Variants in SYNPO2 observed in about 807,000 individuals in gnomAD.
SYNPO2 encodes synaptopodin 2.
SYNPO2 carries 56 observed loss-of-function variants against 85.0 expected under a neutral mutation model. The observed-to-expected ratio is 0.66, with a 90% CI of 0.53 to 0.82. The LOEUF (loss-of-function observed/expected upper bound fraction) is 0.82, where lower values mean the gene tolerates loss of function less well. Ranked by LOEUF, SYNPO2 falls within the 40% of genes least tolerant of loss-of-function variation. The pLI is 0.00. For missense variants in SYNPO2, 1,575 were observed against 1,534.2 expected, an observed-to-expected ratio of 1.03 and a Z score of -0.44; for synonymous variants, 602 against 591.1, an observed-to-expected ratio of 1.02 and a Z score of -0.27.
chr4:118,946,400 A>G (rs62327800), intron 1 of SYNPO2, among the ~76,000 whole-genome samples: 16,363 of 152,054 alleles, frequency 0.11, 955 homozygotes, highest in East Asian at 0.16. Context: ...GACCTCCCAT[A>G]CTATTTTGAA....
chr4:118,914,877 C>A (rs1033229278), intron 1 of SYNPO2, among the ~76,000 whole-genome samples: 3 of 151,620 alleles, frequency 2.0e-5, no homozygotes, highest in Non-Finnish European at 4.4e-5. Flanking sequence ...ACTCTTGTAG[C>A]AAAACTAGTG....
intron 1 of SYNPO2, among the ~76,000 whole-genome samples, chr4:118,979,935 G>C (rs930779201): frequency 6.6e-6 from 1 of 152,276 alleles, no homozygotes; most frequent in Middle Eastern, 3.4e-3. Flanking sequence ...TCTGTGCCTC[G>C]TGTTATTCTC....
chr4:118,927,501 G>A (rs1366185348), intron 1 of SYNPO2, among the ~76,000 whole-genome samples: 3 of 152,092 alleles, frequency 2.0e-5, no homozygotes, highest in East Asian at 1.9e-4. Context: ...TAAAGCGCAA[G>A]TCCTCTGACT....
At chr4:118,868,405 T>C (rs1160144975) in intron 1 of SYNPO2, among the ~76,000 whole-genome samples, 1 of 152,170 alleles carries the variant, frequency 6.6e-6, no homozygotes, top group African/African-American at 2.4e-5. Context: ...GGTTAATGGA[T>C]GCCTTTCAAA....
chr4:118,905,100 G>T (rs1732888928), intron 1 of SYNPO2, among the ~76,000 whole-genome samples: 1 of 152,190 alleles, frequency 6.6e-6, no homozygotes, highest in Non-Finnish European at 1.5e-5. Context: ...ATGCTACAAT[G>T]ACCAGATAGC....
Position 119,031,708 on chromosome 4 carries a change from C to G in SYNPO2, c.2933C>G (p.Thr978Ser). ...TATCAGCTCAATGCATCCTTGTTTA[C>G]TTTCCAACCTCCAGATGCAAAGGAT... ...QPYQLNASLF[T>S]FQPPDAKDGL... The change falls in exon 4 of 5, where the codon ACT becomes AGT. Residue 978 changes from threonine to serine, a missense_variant. Physicochemically the swap from Thr to Ser is moderately conservative, Grantham distance 58 (BLOSUM62 1). This residue lies in a region of SYNPO2 where 1,508 missense variants were observed against 1,446.8 expected (regional missense o/e 1.04). Coordinates refer to ENST00000307142, the MANE Select transcript of SYNPO2 (RefSeq NM_133477.3). The G allele has an allele frequency of 6.2e-7, 1 of 1,614,224 alleles. No individual in the cohort carries two copies. Among genetic ancestry groups the G allele is most frequent in the Non-Finnish European group, 8.5e-7 (1 of 1,180,044 alleles).
chr4:118,985,532 G>A (rs1180954685), intron 1 of SYNPO2, among the ~76,000 whole-genome samples: 1 of 152,176 alleles, frequency 6.6e-6, no homozygotes, highest in African/African-American at 2.4e-5. Flanking sequence ...TTGTAGACAG[G>A]AGGATCCTGT....
intron 1 of SYNPO2, among the ~76,000 whole-genome samples, chr4:118,919,474 G>A (rs1733463078): frequency 6.6e-6 from 1 of 152,272 alleles, no homozygotes; most frequent in South Asian, 2.1e-4. Flanking sequence ...GTAAACATCA[G>A]TTAAGGGCAT....
chr4:118,981,133 G>C (rs1001454833), intron 1 of SYNPO2, among the ~76,000 whole-genome samples: 2 of 152,190 alleles, frequency 1.3e-5, no homozygotes, highest in South Asian at 2.1e-4. Flanking sequence ...AAAAATCTTT[G>C]TTGAAGGAGA....
intron 1 of SYNPO2, among the ~76,000 whole-genome samples, chr4:118,950,297 C>G (rs72671630): frequency 6.6e-6 from 1 of 152,018 alleles, no homozygotes; most frequent in Non-Finnish European, 1.5e-5. Context: ...TCAGTTATAG[C>G]GAGGCCAACA....
intron 1 of SYNPO2, among the ~76,000 whole-genome samples, chr4:118,874,715 A>G (rs1227055247): frequency 6.6e-6 from 1 of 152,176 alleles, no homozygotes; most frequent in Non-Finnish European, 1.5e-5. Flanking sequence ...AATAATACAA[A>G]TTATAATTAT....
At chr4:118,913,925 A>T (rs1733224797) in intron 1 of SYNPO2, among the ~76,000 whole-genome samples, 1 of 152,194 alleles carries the variant, frequency 6.6e-6, no homozygotes, top group African/African-American at 2.4e-5. Context: ...ACTTGGGTAG[A>T]TGACTGATGG....
In SYNPO2 at chr4:118,876,667, C is replaced by T. The variant is rs1324130610; in HGVS notation, c.12+25727C>T. Among the ~76,000 whole-genome samples, 46 of 112,168 alleles carry T rather than the reference C, an allele frequency of 4.1e-4. 1 individual carries two copies. Among genetic ancestry groups the T allele is most frequent in the Non-Finnish European group, 6.4e-4 (35 of 55,086 alleles). 73.6% of individuals were successfully genotyped at this position (112,168 alleles called of 152,430 possible). On this transcript the variant is annotated intron_variant, in intron 1 of 4. Coordinates refer to the SYNPO2 transcript ENST00000610556. Reference sequence around the variant, plus strand: ...CCTTTCTTCCTTCCTTCCTTCCTTTCTCTTTCTTTCTTTCTTTCTTTCTTT... The same window carrying T: ...CCTTTCTTCCTTCCTTCCTTCCTTTTTCTTTCTTTCTTTCTTTCTTTCTTT...
intron 1 of SYNPO2, among the ~76,000 whole-genome samples, chr4:118,904,778 C>G (rs1456171894): frequency 6.6e-6 from 1 of 152,158 alleles, no homozygotes; most frequent in Non-Finnish European, 1.5e-5. Context: ...CAGTCGAGAT[C>G]AAGCTAAAAT....
intron 1 of SYNPO2, among the ~76,000 whole-genome samples, chr4:118,880,319 C>T (rs538781454): frequency 2.6e-5 from 4 of 152,184 alleles, no homozygotes; most frequent in South Asian, 4.2e-4. Context: ...GAATTATGTC[C>T]CTCCAAGTTC....
intron 1 of SYNPO2, among the ~76,000 whole-genome samples, chr4:118,880,285 T>G (rs537294339): frequency 9.9e-5 from 15 of 152,214 alleles, no homozygotes; most frequent in Non-Finnish European, 1.8e-4. Context: ...GCTATCTGTA[T>G]GCTGTGCATT....
At chr4:118,980,513 C>T (rs925007772) in intron 1 of SYNPO2, among the ~76,000 whole-genome samples, 19 of 152,232 alleles carry the variant, frequency 1.2e-4, no homozygotes, top group African/African-American at 4.6e-4. Flanking sequence ...TTCCCCCCTT[C>T]CCCAGCACAC....
At position 119,029,936 on chromosome 4, in the gene SYNPO2, CA is replaced by C; in HGVS notation, c.1163del (p.Asn388ThrfsTer8). On this transcript the variant is annotated frameshift_variant, in exon 4 of 5. Coordinates refer to ENST00000307142, the MANE Select transcript of SYNPO2 (RefSeq NM_133477.3). LOFTEE classifies it high-confidence loss of function. ...TTGCCCTTCTTCTAACGGATGCTCC[CA>C]ACCCCAACTCCAAGGGGGTGTTGAT... is the stretch of plus-strand genomic sequence containing the variant. ...SIALLLTDAP[N>X]PNSKGVLMFK... is the part of the protein sequence containing the mutation. The C allele has an allele frequency of 6.2e-7, 1 of 1,613,940 alleles. No homozygotes were observed. Among genetic ancestry groups the C allele is most frequent in the Non-Finnish European group, 8.5e-7 (1 of 1,179,960 alleles).
chr4:118,933,832 T>TTTTTG (rs1257583416), intron 1 of SYNPO2, among the ~76,000 whole-genome samples: 3 of 141,716 alleles, frequency 2.1e-5, no homozygotes, highest in African/African-American at 8.4e-5. Context: ...TGTTGTTGTT[T>TTTTTG]TTTTTTTTTT....
Sources: gnomAD v4.1 joint callset for allele counts (sites outside exome capture counted in the v4.1 genomes callset) on GRCh38, gnomAD v4.1.1 for gene constraint, gnomAD v4.1.1 regional missense constraint, MANE v1.5 for transcripts, NCBI Gene and HGNC (gene_info 2026-07-23, HGNC 2026-07-21) for gene names.